The following ASCC3 variants were observed in gnomAD, a reference collection of about 807,000 sequenced individuals.
ASCC3 encodes the protein ASC-1 complex subunit P200.
In ASCC3, 158 loss-of-function variants were observed where a neutral mutation model predicts 256.3. That is an observed-to-expected ratio of 0.62 (90% CI 0.54 to 0.70). ASCC3 has a LOEUF of 0.70. Among genes scored for constraint, ASCC3 ranks in the 30% least tolerant of loss-of-function variants. The pLI is 0.00. For missense variants in ASCC3, 2,259 were observed against 2,626.0 expected (o/e 0.86, Z 3.05); for synonymous variants, 948 against 883.4 (o/e 1.07, Z -1.30).
intron 36 of ASCC3, among the ~76,000 whole-genome samples, chr6:100,586,414 G>A (rs1771685827): frequency 6.6e-6 from 1 of 152,176 alleles, no homozygotes; most frequent in South Asian, 2.1e-4. Flanking sequence ...CTCCTGATGC[G>A]CCATTTTTTA....
intron 4 of ASCC3, among the ~76,000 whole-genome samples, chr6:100,827,190 G>A (rs1198843540): frequency 2.0e-5 from 3 of 152,076 alleles, no homozygotes; most frequent in Non-Finnish European, 2.9e-5. Context: ...TTTACACTGG[G>A]GTTCACATTT....
intron 1 of ASCC3, among the ~76,000 whole-genome samples, chr6:100,876,050 A>C (rs1336608334): frequency 6.6e-6 from 1 of 152,186 alleles, no homozygotes; most frequent in Non-Finnish European, 1.5e-5. Context: ...AAAGTTGAGC[A>C]ATCAGGAGAA....
At chr6:100,582,682 C>T (rs1339176685) in intron 36 of ASCC3, among the ~76,000 whole-genome samples, 1 of 151,560 alleles carries the variant, frequency 6.6e-6, no homozygotes, top group African/African-American at 2.4e-5. Flanking sequence ...AAAGGGAATG[C>T]TTCCAGTTTT....
intron 18 of ASCC3, among the ~76,000 whole-genome samples, chr6:100,652,438 AGGT>A (rs1320576931): frequency 6.6e-5 from 10 of 152,144 alleles, no homozygotes; most frequent in African/African-American, 2.4e-4. Context: ...TAAGCACATG[AGGT>A]GTTTTCTGAA....
At chr6:100,535,088 G>C (rs1015149516) in intron 37 of ASCC3, among the ~76,000 whole-genome samples, 1 of 152,182 alleles carries the variant, frequency 6.6e-6, no homozygotes, top group African/African-American at 2.4e-5. Context: ...GTTTTACTCA[G>C]ATACCAGAGG....
At chr6:100,533,247 T>G (rs1208879569) in intron 37 of ASCC3, among the ~76,000 whole-genome samples, 1 of 152,164 alleles carries the variant, frequency 6.6e-6, no homozygotes, top group African/African-American at 2.4e-5. Flanking sequence ...GTCATAAGGT[T>G]GGTACTAAGC....
chr6:100,653,929 G>C (rs1775797667), intron 17 of ASCC3, among the ~76,000 whole-genome samples: 1 of 151,894 alleles, frequency 6.6e-6, no homozygotes. Flanking sequence ...ATGGAGTAGG[G>C]GGAGTATTAA....
chr6:100,625,275 T>A lies in ASCC3; in HGVS notation c.4702A>T (p.Thr1568Ser). 1 of 1,612,836 alleles carries A rather than the reference T, an allele frequency of 6.2e-7. No homozygotes were observed. The part of the protein sequence containing the change: ...VLIFVSSRRQ[T>S]RLTALELIAF... Reference sequence around the variant, plus strand: ...ATCAATTCCAAAGCAGTAAGACGAGTTTGACGTCTTGATGAGACAAATATC... The same window carrying A: ...ATCAATTCCAAAGCAGTAAGACGAGATTGACGTCTTGATGAGACAAATATC... Residue 1568 changes from threonine to serine, a missense_variant, in exon 30 of 42, where the codon ACT (threonine) becomes TCT (serine). Transcript: ENST00000369162.
intron 5 of ASCC3, among the ~76,000 whole-genome samples, chr6:100,802,115 G>T (rs1472667032): frequency 6.6e-6 from 1 of 151,576 alleles, no homozygotes; most frequent in Non-Finnish European, 1.5e-5. Context: ...GAACATACTG[G>T]AATCCTGTAA....
chr6:100,848,654 T>G lies in ASCC3; in HGVS notation c.295A>C (p.Met99Leu). Reference protein sequence around the residue: ...AIESGAAFLFMTFHLKDSVGH... With the variant: ...AIESGAAFLFLTFHLKDSVGH... ...ACAGAGTCCTTCAAGTGAAATGTCA[T>G]GAAGAGAAATGCAGCCCCACTTTCA... Residue 99 changes from methionine to leucine, a missense_variant, in exon 4 of 42, where the codon ATG (methionine) becomes CTG (leucine). Coordinates refer to ENST00000369162, the MANE Select transcript of ASCC3 (RefSeq NM_006828.4). 1 of 1,613,992 alleles carries G rather than the reference T, an allele frequency of 6.2e-7. No homozygotes were observed. Among genetic ancestry groups the G allele is most frequent in the East Asian group, 2.2e-5 (1 of 44,872 alleles).
chr6:100,565,301 G>A (rs1346065713), intron 36 of ASCC3, among the ~76,000 whole-genome samples: 3 of 152,054 alleles, frequency 2.0e-5, no homozygotes, highest in Non-Finnish European at 4.4e-5. Context: ...TTTTTCTTAC[G>A]AACACAGCTT....
chr6:100,688,358 CTG>C (rs1191450551), intron 13 of ASCC3, among the ~76,000 whole-genome samples: 4 of 151,476 alleles, frequency 2.6e-5, no homozygotes, highest in Non-Finnish European at 4.4e-5. Context: ...TCTGAGTAAA[CTG>C]AGTATAAATA....
At chr6:100,815,147 G>A (rs557653723) in intron 4 of ASCC3, among the ~76,000 whole-genome samples, 107 of 152,052 alleles carry the variant, frequency 7.0e-4, no homozygotes, top group Non-Finnish European at 1.4e-3. Context: ...GAGACAAATC[G>A]GGAATGTAAT....
intron 4 of ASCC3, among the ~76,000 whole-genome samples, chr6:100,822,975 T>C (rs1771126167): frequency 6.6e-6 from 1 of 152,210 alleles, no homozygotes; most frequent in Non-Finnish European, 1.5e-5. Flanking sequence ...AGATAACTTC[T>C]AGTGCCAAGT....
intron 10 of ASCC3, among the ~76,000 whole-genome samples, chr6:100,749,615 G>A (rs1273177676): frequency 4.6e-5 from 7 of 151,848 alleles, no homozygotes; most frequent in Non-Finnish European, 8.8e-5. Flanking sequence ...ATTCAAAATG[G>A]TTTAAAATAT....
At chr6:100,724,709 CA>C (rs1779543110) in intron 11 of ASCC3, among the ~76,000 whole-genome samples, 1 of 151,722 alleles carries the variant, frequency 6.6e-6, no homozygotes, top group African/African-American at 2.4e-5. Flanking sequence ...TGAGAGAGTT[CA>C]AGCACGAGGG....
chr6:100,608,069 T>TACATATATATGTATATATATCTATATAC lies in ASCC3; in HGVS notation c.4786-1009_4786-982dup, dbSNP rs1554200717. Among the ~76,000 whole-genome samples, 260 of 92,176 alleles carry TACATATATATGTATATATATCTATATAC rather than the reference T, an allele frequency of 2.8e-3. 1 individual carries two copies. Among genetic ancestry groups the TACATATATATGTATATATATCTATATAC allele is most frequent in the Non-Finnish European group, 4.4e-3 (206 of 46,552 alleles). The allele number at this position is 92,176 out of a possible 152,430, so 60.5% of individuals were successfully genotyped here. ...ACATATACATATATACACATATATA[T>TACATATATATGTATATATATCTATATAC]ACATATATATGTATATATATCTATA... On this transcript the variant is annotated intron_variant, in intron 30 of 41. Coordinates refer to ENST00000369162, the MANE Select transcript of ASCC3 (RefSeq NM_006828.4).
chr6:100,560,368 T>C (rs970078525), intron 36 of ASCC3, among the ~76,000 whole-genome samples: 2 of 152,158 alleles, frequency 1.3e-5, no homozygotes, highest in African/African-American at 4.8e-5. Context: ...TTTGCAATCA[T>C]GTATTTATAC....
At chr6:100,550,929 A>C (rs1187856800) in intron 36 of ASCC3, among the ~76,000 whole-genome samples, 1 of 151,922 alleles carries the variant, frequency 6.6e-6, no homozygotes, top group African/African-American at 2.4e-5. Flanking sequence ...AAGTTTAATA[A>C]GTTTCTAAGT....
Sources: gnomAD v4.1 joint callset for allele counts (sites outside exome capture counted in the v4.1 genomes callset) on GRCh38, gnomAD v4.1.1 for gene constraint, MANE v1.5 for transcripts, NCBI Gene and HGNC (gene_info 2026-07-23, HGNC 2026-07-21) for gene names.